The following ARHGAP32 variants were observed in gnomAD, a reference collection of about 807,000 sequenced individuals.
The protein encoded by ARHGAP32 is Rho GTPase activating protein 32, also known as rho GTPase-activating protein 32.
ARHGAP32 carries 51 observed loss-of-function variants against 186.5 expected under a neutral mutation model. The observed-to-expected ratio is 0.27, with a 90% CI of 0.22 to 0.35. The LOEUF (loss-of-function observed/expected upper bound fraction) is 0.35, where lower values mean the gene tolerates loss of function less well. Ranked by LOEUF, ARHGAP32 falls within the 10% of genes least tolerant of loss-of-function variation. The probability of loss-of-function intolerance (pLI) is 1.00; values close to 1 mark genes in which losing one functional copy is unlikely to be tolerated. For synonymous variants in ARHGAP32, 950 were observed against 964.3 expected, an observed-to-expected ratio of 0.99 and a Z score of 0.27; for missense variants, 2,186 against 2,623.5, an observed-to-expected ratio of 0.83 and a Z score of 3.64.
chr11:128,972,562 C>G lies in ARHGAP32; in HGVS notation c.3944G>C (p.Arg1315Thr). The G allele has an allele frequency of 6.3e-7, 1 of 1,590,952 alleles. No individual in the cohort carries two copies. The highest frequency in any genetic ancestry group is 8.6e-7 in the Non-Finnish European group (1 of 1,167,340). Reference protein sequence around the residue: ...FAAATLQRTHRTNRPLPPPPS... With the variant: ...FAAATLQRTHTTNRPLPPPPS... ...CGGAGGGGGAAGGGGACGATTAGTT[C>G]TGTGCGTGCGCTGAAGTGTGGCAGC... Residue 1315 changes from arginine (R) to threonine (T), a missense_variant, in exon 22 of 23, where the codon AGA (arginine) becomes ACA (threonine). Physicochemically the swap from Arg to Thr is moderately conservative, Grantham distance 71 (BLOSUM62 -1). Coordinates refer to ENST00000682385, the MANE Select transcript of ARHGAP32 (RefSeq NM_001378024.1).
intron 2 of ARHGAP32, among the ~76,000 whole-genome samples, chr11:129,143,353 T>A (rs1391433641): frequency 6.6e-6 from 1 of 152,028 alleles, no homozygotes. Flanking sequence ...TCAACCTCGG[T>A]CAAAAAATAC....
At chr11:129,137,576 G>A (rs1334311636) in intron 2 of ARHGAP32, among the ~76,000 whole-genome samples, 2 of 152,004 alleles carry the variant, frequency 1.3e-5, no homozygotes, top group African/African-American at 2.4e-5. Context: ...TTTGGGAATA[G>A]TGACATTATC....
chr11:129,146,876 A>T (rs1440524438), intron 2 of ARHGAP32, among the ~76,000 whole-genome samples: 1 of 152,100 alleles, frequency 6.6e-6, no homozygotes, highest in African/African-American at 2.4e-5. Context: ...TTAAAAAATT[A>T]ACCAAATGGA....
chr11:129,156,011 G>T (rs1232692301), intron 2 of ARHGAP32, among the ~76,000 whole-genome samples: 1 of 152,182 alleles, frequency 6.6e-6, no homozygotes, highest in Admixed American at 6.5e-5. Flanking sequence ...AAGATGTGAG[G>T]GACTGTGCCG....
chr11:129,021,264 A>C (rs1938580530), intron 11 of ARHGAP32, among the ~76,000 whole-genome samples: 1 of 152,064 alleles, frequency 6.6e-6, no homozygotes, highest in Non-Finnish European at 1.5e-5. Flanking sequence ...TCTTTTAGAC[A>C]CAGAAGAGGT....
Position 128,966,925 on chromosome 11 carries a change from G to C in ARHGAP32, c.*1982C>G, listed in dbSNP as rs1335957712. On this transcript the variant is annotated 3_prime_UTR_variant, in exon 23 of 23. Coordinates refer to ENST00000682385, the MANE Select transcript of ARHGAP32 (RefSeq NM_001378024.1). ...GTCATACTCCTGTATGTAGCACCCA[G>C]GGTGTTTTTGTGCCAAAGGGAAGTA... is the stretch of plus-strand genomic sequence containing the variant. 6.6e-6 allele frequency: 1 copy of C among 152,196 alleles called. No homozygotes were observed. The highest frequency in any genetic ancestry group is 1.5e-5 in the Non-Finnish European group (1 of 68,044). 9.4% of individuals were successfully genotyped at this position (152,196 alleles called of 1,614,324 possible). A position where few individuals can be genotyped will look rare whatever the true frequency, so the allele number is the denominator to read the frequency against.
At chr11:129,119,629 G>A (rs550371594) in intron 5 of ARHGAP32, among the ~76,000 whole-genome samples, 15 of 152,062 alleles carry the variant, frequency 9.9e-5, no homozygotes, top group South Asian at 6.2e-4. Context: ...TTAGCATGCC[G>A]AATGGTGTTA....
intron 6 of ARHGAP32, among the ~76,000 whole-genome samples, chr11:129,079,694 TA>T (rs1941164893): frequency 6.6e-6 from 1 of 151,832 alleles, no homozygotes; most frequent in African/African-American, 2.4e-5. Context: ...AATGAAAAAC[TA>T]ACAAATAAGG....
chr11:129,181,645 AAACT>A (rs1341057993), intron 1 of ARHGAP32, among the ~76,000 whole-genome samples: 1 of 152,170 alleles, frequency 6.6e-6, no homozygotes, highest in Non-Finnish European at 1.5e-5. Flanking sequence ...AAAAATAAAG[AAACT>A]AACCCTCTAA....
intron 7 of ARHGAP32, 110 bp downstream of exon 7, chr11:129,066,621 C>T (rs1008697432): frequency 8.1e-6 from 8 of 993,474 alleles, no homozygotes; most frequent in Non-Finnish European, 5.5e-6. Context: ...CAAGTAGTCC[C>T]AGGAATCACC....
intron 6 of ARHGAP32, among the ~76,000 whole-genome samples, chr11:129,089,095 G>A (rs1038748785): frequency 5.3e-5 from 8 of 151,540 alleles, no homozygotes; most frequent in African/African-American, 1.9e-4. Flanking sequence ...TGATAAGGCT[G>A]AGGATGCAGA....
chr11:129,109,628 GATAAT>G (rs1390669919), intron 5 of ARHGAP32, among the ~76,000 whole-genome samples: 14 of 152,162 alleles, frequency 9.2e-5, no homozygotes, highest in African/African-American at 3.4e-4. Flanking sequence ...ACAGGAGTAA[GATAAT>G]ATAACTCATT....
chr11:129,104,849 A>G (rs35736443), intron 5 of ARHGAP32, among the ~76,000 whole-genome samples: 5 of 152,158 alleles, frequency 3.3e-5, no homozygotes, highest in African/African-American at 1.2e-4. Flanking sequence ...CCAAGAGATC[A>G]CTGAATCAAG....
intron 1 of ARHGAP32, among the ~76,000 whole-genome samples, chr11:129,214,302 C>T (rs140536445): frequency 5.9e-5 from 9 of 152,208 alleles, no homozygotes; most frequent in Admixed American, 1.3e-4. Flanking sequence ...GTAAGATGAA[C>T]GTACCACACT....
At chr11:129,236,285 C>T (rs1232057667) in intron 1 of ARHGAP32, among the ~76,000 whole-genome samples, 2 of 152,016 alleles carry the variant, frequency 1.3e-5, no homozygotes, top group African/African-American at 2.4e-5. Flanking sequence ...GGTAGTATTG[C>T]ACAGTGGTTT....
intron 1 of ARHGAP32, among the ~76,000 whole-genome samples, chr11:129,171,673 T>C (rs1943764503): frequency 6.6e-6 from 1 of 152,220 alleles, no homozygotes; most frequent in African/African-American, 2.4e-5. Context: ...TGATTTCATA[T>C]GAAATTCAAA....
intron 2 of ARHGAP32, among the ~76,000 whole-genome samples, chr11:129,156,182 G>A (rs1943401467): frequency 6.6e-6 from 1 of 152,228 alleles, no homozygotes; most frequent in Non-Finnish European, 1.5e-5. Context: ...CAGACACCGA[G>A]CTAGCTGCAG....
chr11:129,238,068 C>T (rs373904881), intron 1 of ARHGAP32, among the ~76,000 whole-genome samples: 11 of 152,144 alleles, frequency 7.2e-5, no homozygotes, highest in East Asian at 5.8e-4. Context: ...ACAGTGCCAG[C>T]GGTTTTTGAT....
intron 1 of ARHGAP32, among the ~76,000 whole-genome samples, chr11:129,180,808 C>G (rs912065290): frequency 6.6e-6 from 1 of 151,960 alleles, no homozygotes; most frequent in African/African-American, 2.4e-5. Context: ...TGAATGCATT[C>G]AATGAAAATG....
Sources: gnomAD v4.1 joint callset for allele counts (sites outside exome capture counted in the v4.1 genomes callset) on GRCh38, gnomAD v4.1.1 for gene constraint, MANE v1.5 for transcripts, NCBI Gene and HGNC (gene_info 2026-07-23, HGNC 2026-07-21) for gene names.